The following TES variants were observed in gnomAD, a reference collection of about 807,000 sequenced individuals.
TES encodes testin.
Under a neutral mutation model 48.2 loss-of-function variants are expected in TES, and 41 were observed. That is an observed-to-expected ratio of 0.85 (90% CI 0.66 to 1.10). The LOEUF is 1.10. Among genes scored for constraint, TES ranks in the 50% least tolerant of loss-of-function variants. TES has a pLI of 0.00. For synonymous variants in TES, 162 were observed against 174.9 expected (o/e 0.93, Z 0.58); for missense variants, 463 against 515.1 (o/e 0.90, Z 0.98).
intron 1 of TES, among the ~76,000 whole-genome samples, chr7:116,213,915 A>C (rs1284157145): frequency 6.6e-6 from 1 of 152,130 alleles, no homozygotes; most frequent in Non-Finnish European, 1.5e-5. Context: ...TGAATGGTAA[A>C]TCATGGCCAA....
chr7:116,223,889 G>T (rs1448930299), intron 1 of TES, among the ~76,000 whole-genome samples: 2 of 152,182 alleles, frequency 1.3e-5, no homozygotes, highest in Non-Finnish European at 2.9e-5. Context: ...AGAGGATATA[G>T]TAGGCAGCAT....
intron 1 of TES, among the ~76,000 whole-genome samples, chr7:116,230,015 T>C (rs767038652): frequency 2.0e-5 from 3 of 152,232 alleles, no homozygotes; most frequent in Admixed American, 6.5e-5. Flanking sequence ...TATATACTTA[T>C]AGCTATAAAA....
chr7:116,247,103 A>G (rs1456067191), intron 2 of TES, among the ~76,000 whole-genome samples: 1 of 152,094 alleles, frequency 6.6e-6, no homozygotes, highest in Admixed American at 6.6e-5. Context: ...AAACACCATG[A>G]TGGCAGAGAG....
intron 1 of TES, chr7:116,222,986 G>A: frequency 1.0e-6 from 1 of 985,176 alleles, no homozygotes; most frequent in Non-Finnish European, 1.2e-6. Flanking sequence ...TTCAGGAGGA[G>A]TCCTTTTCTG....
At chr7:116,241,991 T>C (rs1799854774) in intron 2 of TES, among the ~76,000 whole-genome samples, 1 of 152,244 alleles carries the variant, frequency 6.6e-6, no homozygotes, top group African/African-American at 2.4e-5. Flanking sequence ...AGGCTTTATT[T>C]CACTTGTATC....
At chr7:116,230,818 G>T (rs1372856573) in intron 1 of TES, among the ~76,000 whole-genome samples, 2 of 152,192 alleles carry the variant, frequency 1.3e-5, no homozygotes, top group Non-Finnish European at 2.9e-5. Flanking sequence ...CAGGCCTTGT[G>T]TATGGTGTTT....
rs1457093291 is a variant in TES at position 116,250,277 on chromosome 7, T to G, written c.483T>G (p.Pro161=). Residue 161 remains proline, a synonymous_variant, in exon 4 of 7, where the codon CCT becomes CCG. Coordinates refer to ENST00000358204, the MANE Select transcript of TES (RefSeq NM_015641.4). ...AGCTCCCTGCACATGACCAGGACCC[T>G]TCAAAGTGCCATGAGTTGTCTCCCA... The part of the protein sequence containing the change: ...AKQLPAHDQD[P]SKCHELSPRE... 1 of 1,613,594 alleles carries G rather than the reference T, an allele frequency of 6.2e-7. No homozygotes were observed. Among genetic ancestry groups the G allele is most frequent in the African/African-American group, 1.3e-5 (1 of 74,938 alleles).
intron 2 of TES, among the ~76,000 whole-genome samples, chr7:116,236,442 A>G (rs907124501): frequency 6.6e-6 from 1 of 152,190 alleles, no homozygotes; most frequent in Non-Finnish European, 1.5e-5. Flanking sequence ...TATGTACATA[A>G]GCTGTATATG....
intron 6 of TES, chr7:116,255,245 A>C (rs1174777995): frequency 6.6e-6 from 1 of 152,194 alleles, no homozygotes; most frequent in Non-Finnish European, 1.5e-5. Flanking sequence ...CCTGTGTACA[A>C]ATAAGAAGAG....
intron 2 of TES, among the ~76,000 whole-genome samples, chr7:116,247,351 C>T (rs545304687): frequency 7.5e-4 from 114 of 152,192 alleles, no homozygotes; most frequent in Middle Eastern, 3.4e-3. Context: ...CAATAAAGTA[C>T]AAAGCCTCTT....
intron 6 of TES, among the ~76,000 whole-genome samples, chr7:116,254,752 ATATATATGTG>A (rs1029687209): frequency 1.1e-4 from 9 of 83,670 alleles, no homozygotes; most frequent in African/African-American, 1.4e-4. Flanking sequence ...AAAAAAATAT[ATATATATGTG>A]TGTGTGTGTG....
intron 2 of TES, among the ~76,000 whole-genome samples, chr7:116,248,286 G>T (rs1005743466): frequency 1.3e-5 from 2 of 152,100 alleles, no homozygotes; most frequent in South Asian, 2.1e-4. Flanking sequence ...AAACATACGG[G>T]TGCATTGTCC....
chr7:116,238,151 T>C (rs751787871), intron 2 of TES: 12 of 152,194 alleles, frequency 7.9e-5, no homozygotes, highest in Admixed American at 1.3e-4. Context: ...TCATTCTTCA[T>C]CACTCTGATT....
intron 1 of TES, among the ~76,000 whole-genome samples, chr7:116,228,899 G>A (rs1403260842): frequency 6.6e-6 from 1 of 150,522 alleles, no homozygotes; most frequent in Non-Finnish European, 1.5e-5. Flanking sequence ...CCCTGAACAC[G>A]CCAGTGACAC....
intron 3 of TES, chr7:116,249,525 A>G (rs960566122): frequency 1.2e-5 from 5 of 414,896 alleles, no homozygotes; most frequent in African/African-American, 9.9e-5. Context: ...ATTAGATGGA[A>G]ATCAGATGTT....
chr7:116,245,646 C>G (rs1373616814), intron 2 of TES, among the ~76,000 whole-genome samples: 1 of 152,178 alleles, frequency 6.6e-6, no homozygotes, highest in Non-Finnish European at 1.5e-5. Context: ...TTACCCAGTT[C>G]CAAAATCACT....
chr7:116,256,646 A>T (rs1800103058), intron 6 of TES, among the ~76,000 whole-genome samples: 1 of 152,082 alleles, frequency 6.6e-6, no homozygotes, highest in East Asian at 1.9e-4. Context: ...TCATGTATAT[A>T]TACATAACAC....
At chr7:116,230,991 A>C (rs1584616523) in intron 1 of TES, among the ~76,000 whole-genome samples, 1 of 152,194 alleles carries the variant, frequency 6.6e-6, no homozygotes, top group East Asian at 1.9e-4. Context: ...GAGATGGTGC[A>C]AGAGTGTTTC....
intron 6 of TES, among the ~76,000 whole-genome samples, chr7:116,256,816 G>A (rs890706430): frequency 1.3e-5 from 2 of 152,102 alleles, no homozygotes; most frequent in African/African-American, 4.8e-5. Context: ...TTTTAATTGA[G>A]TCCTTAATTA....
Sources: gnomAD v4.1 joint callset for allele counts (sites outside exome capture counted in the v4.1 genomes callset) on GRCh38, gnomAD v4.1.1 for gene constraint, MANE v1.5 for transcripts, NCBI Gene and HGNC (gene_info 2026-07-23, HGNC 2026-07-21) for gene names.